CPED1: variants seen among roughly 807,000 people sequenced by gnomAD.
The protein encoded by CPED1 is cadherin-like and PC-esterase domain-containing protein 1.
CPED1 carries 114 observed loss-of-function variants against 128.2 expected under a neutral mutation model. The observed-to-expected ratio is 0.89, with a 90% CI of 0.76 to 1.04. The LOEUF (loss-of-function observed/expected upper bound fraction) is 1.04. CPED1 is among the 50% of genes least tolerant of loss of function. The pLI is 0.00. For synonymous variants in CPED1, 462 were observed against 426.7 expected (o/e 1.08, Z -1.02); for missense variants, 1,211 against 1,207.1 (o/e 1.00, Z -0.05).
At chr7:121,029,979 T>C (rs1315177929) in intron 3 of CPED1, among the ~76,000 whole-genome samples, 1 of 152,182 alleles carries the variant, frequency 6.6e-6, no homozygotes, top group East Asian at 1.9e-4. Context: ...TTCCTTACCT[T>C]GATGCATAGT....
intron 2 of CPED1, among the ~76,000 whole-genome samples, chr7:120,990,338 A>C (rs1308131393): frequency 3.3e-5 from 5 of 152,230 alleles, no homozygotes; most frequent in Non-Finnish European, 7.3e-5. Context: ...ATTGATTCTT[A>C]ATTGGTGACC....
chr7:121,287,401 A>G (rs893369901), intron 22 of CPED1, among the ~76,000 whole-genome samples: 1 of 152,164 alleles, frequency 6.6e-6, no homozygotes, highest in African/African-American at 2.4e-5. Flanking sequence ...ACTCTCTAAG[A>G]GACTGTTTAC....
At position 121,279,259 on chromosome 7, in the gene CPED1, T is replaced by C. The variant is rs565802938; in HGVS notation, c.2868+7829T>C. On this transcript the variant is annotated intron_variant, in intron 22 of 22. Coordinates refer to ENST00000310396, the MANE Select transcript of CPED1 (RefSeq NM_024913.5). ...TTGACCACAGAATGACTTTTCCTTA[T>C]TTTTTTTATCACAACTATTAACACC... Among the ~76,000 whole-genome samples, 5 of 150,176 alleles carry C rather than the reference T, an allele frequency of 3.3e-5. No individual in the cohort carries two copies. The East Asian group carries it at 9.7e-4, about 29-fold the overall frequency.
chr7:121,116,019 G>C (rs552110332), intron 7 of CPED1, among the ~76,000 whole-genome samples: 3 of 152,026 alleles, frequency 2.0e-5, no homozygotes, highest in East Asian at 1.9e-4. Context: ...TGCAATCAAG[G>C]GTCCATCATT....
intron 5 of CPED1, among the ~76,000 whole-genome samples, chr7:121,068,368 G>A (rs576827614): frequency 1.3e-5 from 2 of 152,190 alleles, no homozygotes; most frequent in East Asian, 1.9e-4. Context: ...CTATTAAATA[G>A]GGAATCCTTT....
intron 3 of CPED1, among the ~76,000 whole-genome samples, chr7:121,021,696 G>A (rs1391663796): frequency 6.6e-6 from 1 of 151,770 alleles, no homozygotes; most frequent in African/African-American, 2.4e-5. Flanking sequence ...CATAACCCTG[G>A]GCAAGTAACT....
intron 4 of CPED1, among the ~76,000 whole-genome samples, chr7:121,055,444 T>C (rs903985616): frequency 1.3e-5 from 2 of 151,910 alleles, no homozygotes; most frequent in African/African-American, 4.8e-5. Flanking sequence ...TATCATTTAT[T>C]TCAAGCTTTT....
intron 7 of CPED1, among the ~76,000 whole-genome samples, chr7:121,113,371 A>G (rs1795160087): frequency 6.6e-6 from 1 of 152,180 alleles, no homozygotes; most frequent in Admixed American, 6.5e-5. Flanking sequence ...GCAAGGCATG[A>G]CTCAGAGTTG....
chr7:121,250,544 G>T (rs1254480612), intron 18 of CPED1, among the ~76,000 whole-genome samples: 3 of 152,096 alleles, frequency 2.0e-5, no homozygotes, highest in African/African-American at 7.2e-5. Flanking sequence ...CTGGTTTTTT[G>T]AAAAGATCAA....
chr7:121,164,008 T>A (rs1177391525), intron 16 of CPED1, among the ~76,000 whole-genome samples: 1 of 152,242 alleles, frequency 6.6e-6, no homozygotes, highest in African/African-American at 2.4e-5. Context: ...TAGTTAGAAG[T>A]ATGTCCTCAG....
At chr7:121,195,241 C>T (rs1318248407) in intron 16 of CPED1, among the ~76,000 whole-genome samples, 1 of 152,074 alleles carries the variant, frequency 6.6e-6, no homozygotes, top group Non-Finnish European at 1.5e-5. Flanking sequence ...ATCTGTAATA[C>T]TAACCCAGGA....
At position 121,044,648 on chromosome 7, in the gene CPED1, C is replaced by CTTTTTTTTTTTTT. The variant is rs35159862; in HGVS notation, c.434-2238_434-2237insTTTTTTTTTTTTT. Among the ~76,000 whole-genome samples the CTTTTTTTTTTTTT allele has an allele frequency of 1.7e-3, 118 of 69,482 alleles. 21 individuals are homozygous for CTTTTTTTTTTTTT. Among genetic ancestry groups the CTTTTTTTTTTTTT allele is most frequent in the Admixed American group, 3.9e-3 (19 of 4,872 alleles). 45.6% of individuals were successfully genotyped at this position (69,482 alleles called of 152,430 possible). ...GATTGCTGAGAGCAGTGACTTTCTG[C>CTTTTTTTTTTTTT]TCTTTTTTTTTTTTTTTTTTTGCTA... On this transcript the variant is annotated intron_variant, in intron 3 of 22. Coordinates refer to ENST00000310396, the MANE Select transcript of CPED1 (RefSeq NM_024913.5).
rs1242527655 is a variant in CPED1 at position 121,142,016 on chromosome 7, A to G, written c.1930A>G (p.Ile644Val). ...PLGLGMNKIS[I>V]FVVDESPAHG... is the part of the protein sequence containing the mutation. Reference sequence around the variant, plus strand: ...GGGCTTAGGAATGAACAAAATCTCAATATTTGTTGTGGATGAATCTCCAGC... The same window carrying G: ...GGGCTTAGGAATGAACAAAATCTCAGTATTTGTTGTGGATGAATCTCCAGC... The change falls in exon 16 of 23, where the codon ATA becomes GTA. Residue 644 changes from isoleucine (I) to valine (V), a missense_variant. Physicochemically the swap from Ile to Val is conservative, Grantham distance 29. Coordinates refer to ENST00000310396, the MANE Select transcript of CPED1 (RefSeq NM_024913.5). 3 of 1,612,464 alleles carry G rather than the reference A, an allele frequency of 1.9e-6. No homozygotes were observed. Among genetic ancestry groups the G allele is most frequent in the African/African-American group, 2.7e-5 (2 of 74,810 alleles).
intron 4 of CPED1, among the ~76,000 whole-genome samples, chr7:121,047,715 CT>C (rs530980600): frequency 2.4e-4 from 18 of 76,016 alleles, no homozygotes; most frequent in African/African-American, 9.2e-4. Flanking sequence ...TCTTCTTCTT[CT>C]TTTTTTTTTT....
chr7:121,090,549 G>A (rs1794548206), intron 5 of CPED1, among the ~76,000 whole-genome samples: 1 of 152,174 alleles, frequency 6.6e-6, no homozygotes, highest in Non-Finnish European at 1.5e-5. Context: ...CTATGTTAAG[G>A]CTAGAATTCT....
chr7:121,210,474 A>T (rs1797619060), intron 16 of CPED1, among the ~76,000 whole-genome samples: 1 of 152,070 alleles, frequency 6.6e-6, no homozygotes, highest in African/African-American at 2.4e-5. Flanking sequence ...CTATTCAGCC[A>T]TAAAAAAGAA....
intron 22 of CPED1, among the ~76,000 whole-genome samples, chr7:121,281,585 C>T (rs1792463266): frequency 6.6e-6 from 1 of 152,094 alleles, no homozygotes; most frequent in South Asian, 2.1e-4. Flanking sequence ...AATGTTATGT[C>T]TACAACCCAA....
intron 10 of CPED1, 70 bp downstream of exon 10, chr7:121,127,327 T>C (rs1795529479): frequency 1.0e-6 from 1 of 969,516 alleles, no homozygotes; most frequent in East Asian, 2.5e-5. Context: ...TTCTCCTTAT[T>C]CTGCAATTCA....
At chr7:121,218,554 T>A (rs543790752) in intron 16 of CPED1, among the ~76,000 whole-genome samples, 4 of 152,050 alleles carry the variant, frequency 2.6e-5, no homozygotes, top group Non-Finnish European at 5.9e-5. Context: ...GCAAACCTAC[T>A]TACTGCTTAA....
Sources: allele counts gnomAD v4.1 joint callset (sites outside exome capture counted in the v4.1 genomes callset), GRCh38; gene constraint gnomAD v4.1.1; transcripts MANE v1.5; gene names NCBI Gene and HGNC (gene_info 2026-07-23, HGNC 2026-07-21).